Variants in HHAT observed in about 807,000 individuals in gnomAD.
HHAT encodes hedgehog acyltransferase, also known as protein-cysteine N-palmitoyltransferase HHAT.
In HHAT, 47 loss-of-function variants were observed where a neutral mutation model predicts 70.8. That is an observed-to-expected ratio of 0.66 (90% CI 0.53 to 0.85). The LOEUF is 0.85. Ranked by LOEUF, HHAT falls within the 40% of genes least tolerant of loss-of-function variation. The pLI is 0.00. For synonymous variants in HHAT, 228 were observed against 247.6 expected (o/e 0.92, Z 0.74); for missense variants, 609 against 604.8 (o/e 1.01, Z -0.07).
chr1:210,576,430 G>T (rs1012949092), intron 9 of HHAT, among the ~76,000 whole-genome samples: 1 of 150,540 alleles, frequency 6.6e-6, no homozygotes, highest in African/African-American at 2.4e-5. Flanking sequence ...CCCCTTTGGG[G>T]TGTGTGCGTG....
At chr1:210,492,476 G>A (rs982482490) in intron 8 of HHAT, among the ~76,000 whole-genome samples, 2 of 152,194 alleles carry the variant, frequency 1.3e-5, no homozygotes, top group African/African-American at 4.8e-5. Flanking sequence ...GATGAGTGAA[G>A]GCACTTTGAG....
At position 210,674,453 on chromosome 1, in the gene HHAT, A is replaced by G; in HGVS notation, c.*74A>G. 1.7e-6 allele frequency: 2 copies of G among 1,163,196 alleles called. No individual in the cohort carries two copies. The highest frequency in any genetic ancestry group is 2.6e-6 in the Non-Finnish European group (2 of 783,282). The allele number at this position is 1,163,196 out of a possible 1,614,324, so 72.1% of individuals were successfully genotyped here. A position where few individuals can be genotyped will look rare whatever the true frequency, so the allele number is the denominator to read the frequency against. The stretch of plus-strand genomic sequence containing the variant: ...GTGCTTCACCCTGACCTCTCACTCC[A>G]GGACAGCCTCTAAGGGATTTGATCT... On this transcript the variant is annotated 3_prime_UTR_variant, in exon 12 of 12. Transcript: ENST00000261458.
intron 8 of HHAT, among the ~76,000 whole-genome samples, chr1:210,489,054 T>G (rs1463993820): frequency 1.3e-5 from 2 of 152,196 alleles, no homozygotes; most frequent in African/African-American, 4.8e-5. Context: ...CATGACAAAT[T>G]CTGTTAATTG....
chr1:210,396,215 T>C (rs932457021), intron 4 of HHAT, among the ~76,000 whole-genome samples: 25 of 152,226 alleles, frequency 1.6e-4, no homozygotes, highest in Non-Finnish European at 3.2e-4. Flanking sequence ...GCTTTCTGTT[T>C]CATCTCCTAT....
rs181030556 is a variant in HHAT at position 210,375,508 on chromosome 1, T to C, written c.160-11960T>C. Among the ~76,000 whole-genome samples the C allele has an allele frequency of 1.4e-3, 220 of 152,298 alleles. 1 individual carries two copies. Among genetic ancestry groups the C allele is most frequent in the Non-Finnish European group, 4.6e-4 (31 of 68,030 alleles). On this transcript the variant is annotated intron_variant, in intron 3 of 11. Coordinates refer to ENST00000261458, the MANE Select transcript of HHAT (RefSeq NM_018194.6). ...CTTTCCACCTCCCCATTTCATTATATTTAAAGTGAATTCCTGTGGACAGTC... is the reference window on the plus strand; with the variant it reads ...CTTTCCACCTCCCCATTTCATTATACTTAAAGTGAATTCCTGTGGACAGTC...
In HHAT at chr1:210,349,055, A is replaced by C; in HGVS notation, c.80A>C (p.Lys27Thr). ...TTCTATTCCTTCTATGAAGTTTACA[A>C]AGTCTCCAGAGGTAAGGCCCCAAGC... ...FHFYSFYEVY[K>T]VSREHEEELD... The change falls in exon 2 of 12, where the codon AAA becomes ACA. Residue 27 changes from lysine (K) to threonine (T), a missense_variant. Lys to Thr is a moderately conservative substitution (Grantham distance 78). Transcript: ENST00000261458. 1 of 1,613,980 alleles carries C rather than the reference A, an allele frequency of 6.2e-7. No individual in the cohort carries two copies. The highest frequency in any genetic ancestry group is 8.5e-7 in the Non-Finnish European group (1 of 1,179,988).
At chr1:210,492,424 A>G (rs148237578) in intron 8 of HHAT, among the ~76,000 whole-genome samples, 64 of 152,352 alleles carry the variant, frequency 4.2e-4, no homozygotes, top group African/African-American at 1.5e-3. Context: ...GTGCTCATAA[A>G]TGCTGCATGC....
chr1:210,594,111 A>C (rs1200848601), intron 10 of HHAT, among the ~76,000 whole-genome samples: 1 of 152,056 alleles, frequency 6.6e-6, no homozygotes, highest in Non-Finnish European at 1.5e-5. Flanking sequence ...CCTGTTTTTT[A>C]ATCTATTCAG....
At chr1:210,592,349 G>T (rs1178182046) in intron 10 of HHAT, among the ~76,000 whole-genome samples, 2 of 151,974 alleles carry the variant, frequency 1.3e-5, no homozygotes, top group Non-Finnish European at 2.9e-5. Context: ...CTGTTGATGT[G>T]TGGATTTGTT....
intron 11 of HHAT, among the ~76,000 whole-genome samples, chr1:210,631,952 TG>T (rs750137509): frequency 2.2e-4 from 34 of 152,240 alleles, no homozygotes; most frequent in Admixed American, 2.0e-3. Flanking sequence ...AATCCTGTTT[TG>T]TCAGCACCTG....
At chr1:210,590,231 C>G (rs1276466518) in intron 10 of HHAT, 1 of 152,162 alleles carries the variant, frequency 6.6e-6, no homozygotes, top group African/African-American at 2.4e-5. Context: ...CATCCAAATG[C>G]ACACAATTTT....
chr1:210,392,137 GGGATTACAGGCATGAGCTA>G (rs1222935899), intron 4 of HHAT, among the ~76,000 whole-genome samples: 9 of 152,128 alleles, frequency 5.9e-5, no homozygotes, highest in Admixed American at 5.2e-4. Context: ...CCAAAGTGCT[GGGATTACAGGCATGAGCTA>G]CTGCACCTGG....
rs1374615080 is a variant in HHAT, at chr1:210,404,527, C to G, written c.532C>G (p.Leu178Val). 5.6e-6 allele frequency: 9 copies of G among 1,613,730 alleles called. No homozygotes were observed. In the African/African-American group the frequency reaches 6.7e-5, roughly 12 times the overall value. The change falls in exon 6 of 12, where the codon CTG (leucine) becomes GTG (valine). Residue 178 changes from leucine to valine, a missense_variant. By Grantham distance (32) the Leu-to-Val change is conservative. Transcript: ENST00000261458. Reference sequence around the variant, plus strand: ...GCAGTTCACGCTGACCGTTCGCTGCCTGTACTACACCAGCTTCAGCCTGGA... The same window carrying G: ...GCAGTTCACGCTGACCGTTCGCTGCGTGTACTACACCAGCTTCAGCCTGGA... ...LLQFTLTVRC[L>V]YYTSFSLELC... is the part of the protein sequence containing the mutation.
chr1:210,452,452 A>G (rs1177977241), intron 7 of HHAT, among the ~76,000 whole-genome samples: 1 of 152,242 alleles, frequency 6.6e-6, no homozygotes, highest in African/African-American at 2.4e-5. Flanking sequence ...TTCATCTCCC[A>G]GGTTCAACAA....
chr1:210,359,129 G>A (rs1049574403), intron 2 of HHAT, among the ~76,000 whole-genome samples: 2 of 152,190 alleles, frequency 1.3e-5, no homozygotes, highest in Admixed American at 1.3e-4. Flanking sequence ...ACAGTCCTGT[G>A]TGATGGGGAG....
chr1:210,407,418 C>T (rs966669326), intron 6 of HHAT, among the ~76,000 whole-genome samples: 1 of 152,192 alleles, frequency 6.6e-6, no homozygotes, highest in Non-Finnish European at 1.5e-5. Flanking sequence ...CAGCAGTGCC[C>T]CATTGTGGAA....
At chr1:210,348,729 A>ATGTTTGCGTGTGTG (rs1553317670) in intron 1 of HHAT, among the ~76,000 whole-genome samples, 1 of 72,264 alleles carries the variant, frequency 1.4e-5, no homozygotes, top group African/African-American at 7.9e-5. Flanking sequence ...TGTGTGGTGT[A>ATGTTTGCGTGTGTG]TGTGTGCGTG....
chr1:210,506,396 G>GT (rs1257775201), intron 8 of HHAT, among the ~76,000 whole-genome samples: 9 of 152,284 alleles, frequency 5.9e-5, no homozygotes, highest in East Asian at 5.8e-4. Context: ...ATCCATTCCA[G>GT]TTTTTTTATC....
intron 9 of HHAT, among the ~76,000 whole-genome samples, chr1:210,555,668 G>A (rs184566948): frequency 2.6e-5 from 4 of 152,324 alleles, no homozygotes; most frequent in Admixed American, 6.5e-5. Context: ...TAACAGGCTG[G>A]AACCTATTGG....
Sources: allele counts gnomAD v4.1 joint callset (sites outside exome capture counted in the v4.1 genomes callset), GRCh38; gene constraint gnomAD v4.1.1; transcripts MANE v1.5; gene names NCBI Gene and HGNC (gene_info 2026-07-23, HGNC 2026-07-21).